Variants in RALGDS observed in about 807,000 individuals in gnomAD.
RALGDS encodes the protein ral guanine nucleotide exchange factor.
Under a neutral mutation model 99.8 loss-of-function variants are expected in RALGDS, and 44 were observed. That is an observed-to-expected ratio of 0.44 (90% CI 0.35 to 0.57). RALGDS has a LOEUF of 0.57. RALGDS is among the 20% of genes least tolerant of loss of function. The pLI is 0.01. For missense variants in RALGDS, 1,022 were observed against 1,203.1 expected, an observed-to-expected ratio of 0.85 and a Z score of 2.23; for synonymous variants, 529 against 505.0, an observed-to-expected ratio of 1.05 and a Z score of -0.64.
chr9:133,128,755 C>T (rs1425870374), intron 1 of RALGDS, among the ~76,000 whole-genome samples: 1 of 152,200 alleles, frequency 6.6e-6, no homozygotes, highest in Non-Finnish European at 1.5e-5. Flanking sequence ...AAAATGGGGA[C>T]AGTAACCGTC....
At chr9:133,137,787 A>G (rs1184459248) in intron 1 of RALGDS, among the ~76,000 whole-genome samples, 1 of 152,178 alleles carries the variant, frequency 6.6e-6, no homozygotes, top group Non-Finnish European at 1.5e-5. Context: ...CCCTTCCTAA[A>G]TTCCTGGCCC....
chr9:133,127,971 C>T (rs1832215391), intron 1 of RALGDS, among the ~76,000 whole-genome samples: 1 of 152,200 alleles, frequency 6.6e-6, no homozygotes, highest in African/African-American at 2.4e-5. Flanking sequence ...GCCTGGGGCT[C>T]GCTGTGGGGC....
upstream of RALGDS, among the ~76,000 whole-genome samples, chr9:133,124,673 A>G (rs929599768): frequency 2.0e-5 from 3 of 152,244 alleles, no homozygotes; most frequent in African/African-American, 4.8e-5. Context: ...GTGTTGCCCA[A>G]TGCCCTCAGA....
chr9:133,101,140 C>T, intron 16 of RALGDS: 1 of 1,162,952 alleles, frequency 8.6e-7, no homozygotes, highest in Non-Finnish European at 1.1e-6. Flanking sequence ...TAACCAACAC[C>T]CCTGCGGCTC....
chr9:133,124,077 CAG>C (rs140181955), upstream of RALGDS, among the ~76,000 whole-genome samples: 1 of 115,100 alleles, frequency 8.7e-6, no homozygotes, highest in African/African-American at 3.3e-5. Context: ...CACACACACA[CAG>C]ACACAAAGAT....
chr9:133,114,313 C>A (rs1487701778), intron 1 of RALGDS, among the ~76,000 whole-genome samples: 2 of 152,188 alleles, frequency 1.3e-5, no homozygotes, highest in Non-Finnish European at 2.9e-5. Flanking sequence ...CAGCAGCAGG[C>A]ATGGAACCAG....
intron 1 of RALGDS, chr9:133,129,432 C>T: frequency 7.1e-7 from 1 of 1,404,262 alleles, no homozygotes; most frequent in Non-Finnish European, 9.2e-7. Context: ...CCTGGTGTCA[C>T]CCGCGTGGCT....
chr9:133,100,580 A>G (rs1020156849), intron 16 of RALGDS, 198 bp from the exon 17 acceptor site: 111 of 1,445,070 alleles, frequency 7.7e-5, no homozygotes, highest in Non-Finnish European at 9.4e-5. Context: ...TCTGTTCCCC[A>G]TGTGAGGCCT....
At chr9:133,135,595 T>C (rs1444185993), upstream of RALGDS, among the ~76,000 whole-genome samples, 3 of 147,052 alleles carry the variant, frequency 2.0e-5, no homozygotes, top group African/African-American at 7.3e-5. Context: ...ACTGTAAGGA[T>C]CCAAGCAGTG....
chr9:133,104,159 C>T, intron 10 of RALGDS, 104 bp downstream of exon 10: 1 of 1,223,746 alleles, frequency 8.2e-7, no homozygotes, highest in Non-Finnish European at 1.2e-6. Flanking sequence ...CCAGAGGAGG[C>T]TACCTCTAAT....
chr9:133,111,229 CAG>C (rs1229997154), intron 2 of RALGDS, among the ~76,000 whole-genome samples: 2 of 152,128 alleles, frequency 1.3e-5, no homozygotes, highest in African/African-American at 2.4e-5. Flanking sequence ...GATGAGGAAA[CAG>C]AGGCTTATCC....
In RALGDS at chr9:133,102,523, G is replaced by C; in HGVS notation, c.1962C>G (p.Asn654Lys). Residue 654 changes from asparagine to lysine, a missense_variant, in exon 14 of 18, where the codon AAC becomes AAG. By Grantham distance (94) the Asn-to-Lys change is moderately conservative. Transcript: ENST00000372050. ...ELEPPSESAS[N>K]TLRTKKNTAI... ...CTGTGTTCTTCTTGGTCCTGAGGGT[G>C]TTGCTGGCTGACTCGGATGGGGGCT... 1 of 1,614,152 alleles carries C rather than the reference G, an allele frequency of 6.2e-7. No homozygotes were observed. Among genetic ancestry groups the C allele is most frequent in the Non-Finnish European group, 8.5e-7 (1 of 1,180,040 alleles).
chr9:133,110,171 G>C, intron 3 of RALGDS, 125 bp downstream of exon 3: 1 of 1,053,108 alleles, frequency 9.5e-7, no homozygotes, highest in Non-Finnish European at 1.4e-6. Flanking sequence ...TAGCACTCCA[G>C]TTTCTCTTTC....
At position 133,128,477 on chromosome 9, in the gene RALGDS, C is replaced by T. The variant is rs568881341; in HGVS notation, c.132+2475G>A. Among the ~76,000 whole-genome samples, 7 of 152,288 alleles carry T rather than the reference C, an allele frequency of 4.6e-5. No homozygotes were observed. In the East Asian group the frequency reaches 1.4e-3, roughly 29 times the overall value. On this transcript the variant is annotated intron_variant, in intron 1 of 17. Coordinates refer to the RALGDS transcript ENST00000372062. ...GTGATAGGTGGGGCACATCACACCC[C>T]GAGGGGCCCCGGCATCCATGATCTC...
chr9:133,130,863 C>G (rs1340997321), intron 1 of RALGDS: 4 of 1,299,954 alleles, frequency 3.1e-6, no homozygotes, highest in Non-Finnish European at 4.2e-6. Context: ...CCATCCTGAC[C>G]TGGGGGCCAG....
At chr9:133,104,116 T>G (rs1830900192) in intron 10 of RALGDS, 147 bp downstream of exon 10, 1 of 897,984 alleles carries the variant, frequency 1.1e-6, no homozygotes, top group African/African-American at 1.6e-5. Context: ...TCTTCCCAGA[T>G]ACCAGCTGAT....
intron 1 of RALGDS, among the ~76,000 whole-genome samples, chr9:133,136,387 C>T (rs761915499): frequency 6.6e-5 from 10 of 152,194 alleles, no homozygotes; most frequent in Admixed American, 6.5e-5. Context: ...CCTGTAATCC[C>T]AGCACTTTGG....
In RALGDS at chr9:133,100,209, G is replaced by A. The variant is rs141117081; in HGVS notation, c.2569+59C>T. 4 of 1,477,882 alleles carry A rather than the reference G, an allele frequency of 2.7e-6. No individual in the cohort carries two copies. The East Asian group carries it at 9.0e-5, about 33-fold the overall frequency. The allele number at this position is 1,477,882 out of a possible 1,614,324, so 91.5% of individuals were successfully genotyped here. A position where few individuals can be genotyped will look rare whatever the true frequency, so the allele number is the denominator to read the frequency against. ...CTGGGGCCAAAGGCTTCCAACCTGG[G>A]GCTGGGGAGTGGTGTGGACCTGCCC... is the stretch of plus-strand genomic sequence containing the variant. On this transcript the variant is annotated intron_variant, in intron 17 of 17. Coordinates refer to ENST00000372050, the MANE Select transcript of RALGDS (RefSeq NM_006266.4).
intron 3 of RALGDS, among the ~76,000 whole-genome samples, chr9:133,109,949 A>G (rs1831259374): frequency 6.6e-6 from 1 of 152,176 alleles, no homozygotes; most frequent in African/African-American, 2.4e-5. Context: ...CCCAGATAGA[A>G]TCCGGAATCT....
Sources: allele counts gnomAD v4.1 joint callset (sites outside exome capture counted in the v4.1 genomes callset), GRCh38; gene constraint gnomAD v4.1.1; transcripts MANE v1.5; gene names NCBI Gene and HGNC (gene_info 2026-07-23, HGNC 2026-07-21).